SPSB3: variants seen among roughly 807,000 people sequenced by gnomAD.
The protein encoded by SPSB3 is splA/ryanodine receptor domain and SOCS box containing 3, also known as SPRY domain-containing SOCS box protein 3.
In SPSB3, 18 loss-of-function variants were observed where a neutral mutation model predicts 29.5. The observed-to-expected ratio is 0.61, with a 90% CI of 0.42 to 0.91. The LOEUF (loss-of-function observed/expected upper bound fraction) is 0.91. Among genes scored for constraint, SPSB3 ranks in the 40% least tolerant of loss-of-function variants. The pLI is 0.00. For synonymous variants in SPSB3, 299 were observed against 214.1 expected (o/e 1.40, Z -3.46); for missense variants, 540 against 507.5 (o/e 1.06, Z -0.61).
chr16:1,779,961 C>T (rs1161345904), intron 2 of SPSB3: 1 of 152,178 alleles, frequency 6.6e-6, no homozygotes, highest in African/African-American at 2.4e-5. Context: ...GGGTAAGGAC[C>T]CTGTTTCCCA....
chr16:1,781,242 G>C (rs768560962), intron 2 of SPSB3, 116 bp downstream of exon 2: 3 of 1,598,774 alleles, frequency 1.9e-6, no homozygotes, highest in Non-Finnish European at 2.5e-6. Context: ...TGGTCCTCTA[G>C]CCTCAGAAGC....
chr16:1,781,824 G>C, intron 1 of SPSB3: 1 of 318,932 alleles, frequency 3.1e-6, no homozygotes, highest in African/African-American at 2.2e-5. Flanking sequence ...CTCCTCCTCT[G>C]TCGTCCGGTT....
Position 1,777,941 on chromosome 16 carries a change from C to G in SPSB3, c.595+5G>C. 1.2e-6 allele frequency: 2 copies of G among 1,612,520 alleles called. No individual in the cohort carries two copies. Among genetic ancestry groups the G allele is most frequent in the African/African-American group, 1.3e-5 (1 of 75,004 alleles). ...CGGCCCCGCCCCACCCTGGGCCTCA[C>G]GCACCCGTGTAGGAGAGGCCCCAGC... On this transcript the variant is annotated splice_donor_5th_base_variant and intron_variant, in intron 5 of 6. Coordinates refer to ENST00000566339, the MANE Select transcript of SPSB3 (RefSeq NM_080861.4).
Position 1,777,809 on chromosome 16 carries a change from A to G in SPSB3, c.659T>C (p.Ile220Thr), listed in dbSNP as rs775938281. The change falls in exon 6 of 7, where the codon ATT (isoleucine) becomes ACT (threonine). Residue 220 changes from isoleucine to threonine, a missense_variant. Ile to Thr is a moderately conservative substitution (Grantham distance 89). Coordinates refer to ENST00000566339, the MANE Select transcript of SPSB3 (RefSeq NM_080861.4). ...FSSRFGQGSI[I>T]GVHLDTWHGT... ...GTGCCAGGTGTCCAGGTGCACGCCA[A>G]TGATGGAGCCCTGGCCGAACCGCGA... The G allele has an allele frequency of 2.5e-6, 4 of 1,612,792 alleles. No homozygotes were observed. The East Asian group carries it at 8.9e-5, about 36-fold the overall frequency.
chr16:1,777,246 G>C lies in SPSB3; in HGVS notation c.919C>G (p.Gln307Glu). The change falls in exon 7 of 7, where the codon CAG becomes GAG. Residue 307 changes from glutamine (Q) to glutamate (E), a missense_variant. Coordinates refer to ENST00000566339, the MANE Select transcript of SPSB3 (RefSeq NM_080861.4). ...EGLPLPPGLKQVLHNKLGWVL... is the reference protein window; with the variant it reads ...EGLPLPPGLKEVLHNKLGWVL... ...CAGCCCAGCTTGTTGTGTAGCACCTGCTTGAGGCCCGGCGGCAGCGGCAGA... is the reference window on the plus strand; with the variant it reads ...CAGCCCAGCTTGTTGTGTAGCACCTCCTTGAGGCCCGGCGGCAGCGGCAGA... 6.2e-7 allele frequency: 1 copy of C among 1,610,802 alleles called. No homozygotes were observed. The highest frequency in any genetic ancestry group is 1.3e-5 in the African/African-American group (1 of 75,036).
At position 1,781,052 on chromosome 16, in the gene SPSB3, T is replaced by C. The variant is rs1596858802; in HGVS notation, c.126+306A>G. The stretch of plus-strand genomic sequence containing the variant: ...CCAGCCCCGTAGTGGAGAATTTCTG[T>C]TGAATGAACCAAAAGCAACTGCCAA... On this transcript the variant is annotated intron_variant, in intron 2 of 6. Transcript: ENST00000566339. 1.2e-5 allele frequency: 10 copies of C among 859,758 alleles called. No individual in the cohort carries two copies. In the Admixed American group the frequency reaches 1.6e-4, roughly 14 times the overall value. 53.3% of individuals were successfully genotyped at this position (859,758 alleles called of 1,614,324 possible).
Position 1,778,540 on chromosome 16 carries a change from C to T in SPSB3, c.199G>A (p.Gly67Ser), listed in dbSNP as rs370120861. The T allele has an allele frequency of 6.2e-6, 10 of 1,608,360 alleles. No individual in the cohort carries two copies. The highest frequency in any genetic ancestry group is 3.3e-5 in the Admixed American group (2 of 59,894). ...PSIPSAVPVTGESFCDCAGQS... is the reference protein window; with the variant it reads ...PSIPSAVPVTSESFCDCAGQS... Reference sequence around the variant, plus strand: ...CCAGCACAGTCACAGAAGGACTCGCCGGTCACGGGCACCGCACTGGGGATG... The same window carrying T: ...CCAGCACAGTCACAGAAGGACTCGCTGGTCACGGGCACCGCACTGGGGATG... Residue 67 changes from glycine (G) to serine (S), a missense_variant, in exon 3 of 7, where the codon GGC (glycine) becomes AGC (serine). Coordinates refer to ENST00000566339, the MANE Select transcript of SPSB3 (RefSeq NM_080861.4).
Position 1,777,832 on chromosome 16 carries a change from C to T in SPSB3, c.636G>A (p.Ser212=), listed in dbSNP as rs200235531. Residue 212 remains serine, a synonymous_variant, in exon 6 of 7, where the codon TCG becomes TCA. Coordinates refer to ENST00000566339, the MANE Select transcript of SPSB3 (RefSeq NM_080861.4). ...HHKGDKTSFS[S]RFGQGSIIGV... is the part of the protein sequence containing the mutation. ...CAATGATGGAGCCCTGGCCGAACCG[C>T]GATGAGAAGCTGGTCTTGTCGCCCT... The T allele has an allele frequency of 1.3e-5, 21 of 1,612,850 alleles. No homozygotes were observed. In the African/African-American group the frequency reaches 1.9e-4, roughly 14 times the overall value.
rs563671780 is a variant in SPSB3 at position 1,781,585 on chromosome 16, G to A, written c.-12-90C>T. The A allele has an allele frequency of 3.6e-4, 502 of 1,398,202 alleles. 2 individuals are homozygous for A. The highest frequency in any genetic ancestry group is 4.6e-4 in the Non-Finnish European group (470 of 1,030,050). The allele number at this position is 1,398,202 out of a possible 1,614,324, so 86.6% of individuals were successfully genotyped here. On this transcript the variant is annotated intron_variant, in intron 1 of 6. Coordinates refer to ENST00000566339, the MANE Select transcript of SPSB3 (RefSeq NM_080861.4). ...GCTGGGCCACGGACCCACTCAAAGT[G>A]GGGACTGCAGGGGCCGCACCGGTGC...
rs1211662544 is a variant in SPSB3 at position 1,778,420 on chromosome 16, G to A, written c.304+15C>T. ...CCGCAGTGCAGTCCCAGCAGGGGCTGGGCCCCACGCTCACACTCGTCTTCC... is the reference window on the plus strand; with the variant it reads ...CCGCAGTGCAGTCCCAGCAGGGGCTAGGCCCCACGCTCACACTCGTCTTCC... On this transcript the variant is annotated intron_variant, in intron 3 of 6. Transcript: ENST00000566339. 5 of 1,605,902 alleles carry A rather than the reference G, an allele frequency of 3.1e-6. No individual in the cohort carries two copies. Among genetic ancestry groups the A allele is most frequent in the Middle Eastern group, 3.4e-4 (2 of 5,968 alleles).
intron 2 of SPSB3, chr16:1,780,785 C>T (rs1252403475): frequency 2.1e-5 from 4 of 189,824 alleles, no homozygotes; most frequent in African/African-American, 4.7e-5. Context: ...CAGGCTGGAA[C>T]GCACTGGTGT....
chr16:1,781,596 G>A lies in SPSB3; in HGVS notation c.-12-101C>T, dbSNP rs577166570. ...GACCCACTCAAAGTGGGGACTGCAGGGGCCGCACCGGTGCCCAGCCAGGGC... is the reference window on the plus strand; with the variant it reads ...GACCCACTCAAAGTGGGGACTGCAGAGGCCGCACCGGTGCCCAGCCAGGGC... On this transcript the variant is annotated intron_variant, in intron 1 of 6. Coordinates refer to ENST00000566339, the MANE Select transcript of SPSB3 (RefSeq NM_080861.4). 22 of 1,291,510 alleles carry A rather than the reference G, an allele frequency of 1.7e-5. No homozygotes were observed. The South Asian group carries it at 3.1e-4, about 18-fold the overall frequency. 80.0% of individuals were successfully genotyped at this position (1,291,510 alleles called of 1,614,324 possible). A position where few individuals can be genotyped will look rare whatever the true frequency, so the allele number is the denominator to read the frequency against.
At position 1,778,547 on chromosome 16, in the gene SPSB3, G is replaced by A. The variant is rs373297965; in HGVS notation, c.192C>T (p.Pro64=). The change falls in exon 3 of 7, where the codon CCC becomes CCT. Residue 64 remains proline (P), a synonymous_variant. Transcript: ENST00000566339. ...TLPPSIPSAV[P]VTGESFCDCA... ...AGTCACAGAAGGACTCGCCGGTCACGGGCACCGCACTGGGGATGGATGGCG... is the reference window on the plus strand; with the variant it reads ...AGTCACAGAAGGACTCGCCGGTCACAGGCACCGCACTGGGGATGGATGGCG... The A allele has an allele frequency of 1.7e-5, 27 of 1,607,918 alleles. No homozygotes were observed. The highest frequency in any genetic ancestry group is 1.7e-4 in the Middle Eastern group (1 of 5,746).
intron 1 of SPSB3, chr16:1,782,183 G>T (rs934728448): frequency 1.3e-5 from 2 of 152,142 alleles, no homozygotes; most frequent in African/African-American, 4.8e-5. Flanking sequence ...CGGGCTCGCG[G>T]CTGGCAACGC....
At position 1,777,265 on chromosome 16, in the gene SPSB3, C is replaced by A. The variant is rs558488725; in HGVS notation, c.900G>T (p.Pro300=). Residue 300 remains proline (P), a synonymous_variant, in exon 7 of 7, where the codon CCG becomes CCT. Transcript: ENST00000566339. ...PDSGDTLEGL[P]LPPGLKQVLH... ...GCACCTGCTTGAGGCCCGGCGGCAG[C>A]GGCAGACCCTCCAGCGTGTCTCCCG... is the stretch of plus-strand genomic sequence containing the variant. The A allele has an allele frequency of 5.0e-6, 8 of 1,610,472 alleles. No individual in the cohort carries two copies. The East Asian group carries it at 1.8e-4, about 36-fold the overall frequency.
At chr16:1,778,737 G>A (rs578152915) in intron 2 of SPSB3, 125 bp from the exon 3 acceptor site, 1 of 1,066,902 alleles carries the variant, frequency 9.4e-7, no homozygotes, top group Non-Finnish European at 1.3e-6. Flanking sequence ...AGGCCTCCAG[G>A]GACTTCACAG....
Position 1,778,056 on chromosome 16 carries a change from CA to C in SPSB3, c.493-9del, listed in dbSNP as rs779622721. The C allele has an allele frequency of 5.0e-6, 8 of 1,613,046 alleles. No individual in the cohort carries two copies. The Admixed American group carries it at 1.0e-4, about 20-fold the overall frequency. On this transcript the variant is annotated splice_polypyrimidine_tract_variant and intron_variant, in intron 4 of 6. Transcript: ENST00000566339. ...CGTCCCGATGCCCACCATCTAGGAACAGGGGCCAGGCAGAGGGCGCGGGGCT... is the reference window on the plus strand; with the variant it reads ...CGTCCCGATGCCCACCATCTAGGAACGGGGCCAGGCAGAGGGCGCGGGGCT...
intron 2 of SPSB3, 173 bp from the exon 3 acceptor site, chr16:1,778,785 C>A (rs1402483754): frequency 4.6e-6 from 3 of 653,090 alleles, no homozygotes; most frequent in Non-Finnish European, 7.2e-6. Context: ...TCCCAACGGG[C>A]TCCGGCTCTG....
chr16:1,778,210 C>G lies in SPSB3; in HGVS notation c.416G>C (p.Arg139Pro). The change falls in exon 4 of 7, where the codon CGG becomes CCG. Residue 139 changes from arginine (R) to proline (P), a missense_variant. Physicochemically the swap from Arg to Pro is moderately radical, Grantham distance 103. Transcript: ENST00000566339. ...GCCCTCCCCCAGCTCCTTGGTGCCC[C>G]GGATGGCCGCTGTGCCGCAGCTGTA... is the stretch of plus-strand genomic sequence containing the variant. ...MEYSCGTAAIRGTKELGEGQH... is the reference protein window; with the variant it reads ...MEYSCGTAAIPGTKELGEGQH... 1 of 1,612,906 alleles carries G rather than the reference C, an allele frequency of 6.2e-7. No individual in the cohort carries two copies. The highest frequency in any genetic ancestry group is 8.5e-7 in the Non-Finnish European group (1 of 1,179,936).
Sources: allele counts gnomAD v4.1 joint callset, GRCh38; gene constraint gnomAD v4.1.1; transcripts MANE v1.5; gene names NCBI Gene and HGNC (gene_info 2026-07-23, HGNC 2026-07-21).